The following PHYH variants were observed in gnomAD, a reference collection of about 807,000 sequenced individuals.
PHYH encodes phytanoyl-CoA 2-hydroxylase, also known as phytanoyl-CoA dioxygenase, peroxisomal.
In PHYH, 32 loss-of-function variants were observed where a neutral mutation model predicts 38.5. The observed-to-expected ratio is 0.83, with a 90% CI of 0.63 to 1.12. The LOEUF (loss-of-function observed/expected upper bound fraction) is 1.12. Among genes scored for constraint, PHYH ranks in the 50% most tolerant of loss-of-function variants. The pLI, the probability that PHYH is intolerant of heterozygous loss-of-function variation, is 0.00. For missense variants in PHYH, 426 were observed against 434.8 expected, an observed-to-expected ratio of 0.98 and a Z score of 0.18; for synonymous variants, 166 against 157.9, an observed-to-expected ratio of 1.05 and a Z score of -0.38.
chr10:13,295,860 C>A (rs937427745), intron 2 of PHYH, among the ~76,000 whole-genome samples: 2 of 148,196 alleles, frequency 1.3e-5, no homozygotes, highest in African/African-American at 5.0e-5. Context: ...TAAATTACAT[C>A]CTAAAAATAT....
At chr10:13,299,546 C>T (rs1832689050) in intron 1 of PHYH, 1 of 1,012,566 alleles carries the variant, frequency 9.9e-7, no homozygotes, top group Non-Finnish European at 1.2e-6. Flanking sequence ...CCTCTCCCCT[C>T]CGGAGAGGTC....
chr10:13,280,962 G>T lies in PHYH; in HGVS notation c.963+14C>A. 1.2e-6 allele frequency: 2 copies of T among 1,612,434 alleles called. No individual in the cohort carries two copies. Among genetic ancestry groups the T allele is most frequent in the Non-Finnish European group, 1.7e-6 (2 of 1,178,492 alleles). Reference sequence around the variant, plus strand: ...AACCTGAGATTTTTACCTTGCTATTGTATACAAACATACCTTCAAGTTCAC... The same window carrying T: ...AACCTGAGATTTTTACCTTGCTATTTTATACAAACATACCTTCAAGTTCAC... On this transcript the variant is annotated intron_variant, in intron 8 of 8. Transcript: ENST00000263038.
intron 2 of PHYH, among the ~76,000 whole-genome samples, chr10:13,296,827 C>T (rs946660240): frequency 6.6e-5 from 10 of 151,386 alleles, no homozygotes; most frequent in East Asian, 5.8e-4. Flanking sequence ...TGGTGTCTGG[C>T]GCCTGTAGTC....
At chr10:13,283,950 C>T in intron 6 of PHYH, 111 bp from the exon 7 acceptor site, 1 of 924,452 alleles carries the variant, frequency 1.1e-6, no homozygotes, top group East Asian at 2.4e-5. Flanking sequence ...ATTTCTCTCT[C>T]CCAAGAGAAA....
At chr10:13,290,114 CCAA>C (rs1198226163) in intron 5 of PHYH, among the ~76,000 whole-genome samples, 19 of 15,908 alleles carry the variant, frequency 1.2e-3, no homozygotes, top group Admixed American at 3.3e-3. Flanking sequence ...ACTAAAAATA[CCAA>C]AAAAAAAAAA....
chr10:13,299,367 C>G, intron 1 of PHYH: 1 of 926,060 alleles, frequency 1.1e-6, no homozygotes. Flanking sequence ...GGCCTTGGCC[C>G]CCAGAAGAGC....
At position 13,278,621 on chromosome 10, in the gene PHYH, C is replaced by T. The variant is rs377618340; in HGVS notation, c.964-267G>A. ...GCGGCTCACTGCAACCTCTGCCTCC[C>T]GGGTTCAAGCGACTCTCCTGCCTCA... On this transcript the variant is annotated intron_variant, in intron 8 of 8. Transcript: ENST00000263038. 5.3e-5 allele frequency among the ~76,000 whole-genome samples: 8 copies of T among 152,120 alleles called. No homozygotes were observed. In the East Asian group the frequency reaches 5.8e-4, roughly 11 times the overall value.
intron 7 of PHYH, 30 bp downstream of exon 7, chr10:13,283,660 T>A: frequency 6.2e-7 from 1 of 1,611,712 alleles, no homozygotes; most frequent in Non-Finnish European, 8.5e-7. Context: ...CCCACACTTC[T>A]GCAGCAGGTG....
intron 4 of PHYH, among the ~76,000 whole-genome samples, chr10:13,292,655 G>A (rs1028682995): frequency 3.9e-5 from 6 of 152,072 alleles, no homozygotes; most frequent in South Asian, 4.1e-4. Flanking sequence ...CACTGAGGTC[G>A]GGTGCGTTAG....
At chr10:13,299,375 A>T in intron 1 of PHYH, 1 of 951,320 alleles carries the variant, frequency 1.1e-6, no homozygotes, top group Non-Finnish European at 1.3e-6. Context: ...CCCCCAGAAG[A>T]GCCGAGACAA....
rs375520706 is a variant in PHYH at position 13,283,642 on chromosome 10, G to C, written c.828+48C>G. On this transcript the variant is annotated intron_variant, in intron 7 of 8. Coordinates refer to ENST00000263038, the MANE Select transcript of PHYH (RefSeq NM_006214.4). ...ATTCAATGAATTGAATACAATTTTTGTTTCTAACCCACACTTCTGCAGCAG... is the reference window on the plus strand; with the variant it reads ...ATTCAATGAATTGAATACAATTTTTCTTTCTAACCCACACTTCTGCAGCAG... 13 of 1,580,470 alleles carry C rather than the reference G, an allele frequency of 8.2e-6. No individual in the cohort carries two copies. The South Asian group carries it at 1.3e-4, about 16-fold the overall frequency.
At chr10:13,294,690 G>T in intron 3 of PHYH, 94 bp from the exon 4 acceptor site, 1 of 1,053,328 alleles carries the variant, frequency 9.5e-7, no homozygotes. Flanking sequence ...CTTGAGGGGT[G>T]GTTTCTCTGC....
At chr10:13,291,267 C>A (rs1835704424) in intron 5 of PHYH, among the ~76,000 whole-genome samples, 2 of 152,110 alleles carry the variant, frequency 1.3e-5, no homozygotes, top group South Asian at 4.1e-4. Context: ...ATGGCAGGAA[C>A]CTTTGATATA....
intron 6 of PHYH, among the ~76,000 whole-genome samples, chr10:13,284,627 G>T (rs1835500980): frequency 6.6e-6 from 1 of 152,156 alleles, no homozygotes; most frequent in Non-Finnish European, 1.5e-5. Flanking sequence ...GGGAGAAAAT[G>T]CTCAATTTTT....
intron 5 of PHYH, among the ~76,000 whole-genome samples, chr10:13,289,265 G>A (rs12779860): frequency 0.27 from 40,681 of 151,700 alleles, 5,511 homozygotes; most frequent in South Asian, 0.35. Context: ...ACGCGATCTC[G>A]GCTCACTGCA....
chr10:13,298,097 A>G, intron 2 of PHYH, 90 bp downstream of exon 2: 1 of 787,510 alleles, frequency 1.3e-6, no homozygotes, highest in East Asian at 2.7e-5. Context: ...AATTCTAATC[A>G]GGTAACATAT....
At position 13,299,984 on chromosome 10, in the gene PHYH, G is replaced by A. The variant is rs913080422; in HGVS notation, c.59C>T (p.Pro20Leu). The change falls in exon 1 of 9, where the codon CCC becomes CTC. Residue 20 changes from proline (P) to leucine (L), a missense_variant. Coordinates refer to ENST00000263038, the MANE Select transcript of PHYH (RefSeq NM_006214.4). ...AAAGGATACGACAGCCCCGGCCGAG[G>A]GGCGGCCGAGGTGGCCCAGAACAAT... ...LQIVLGHLGR[P>L]SAGAVVAHPT... The A allele has an allele frequency of 3.3e-6, 5 of 1,531,416 alleles. No homozygotes were observed. Among genetic ancestry groups the A allele is most frequent in the African/African-American group, 1.4e-5 (1 of 71,834 alleles). 94.9% of individuals were successfully genotyped at this position (1,531,416 alleles called of 1,614,324 possible). A position where few individuals can be genotyped will look rare whatever the true frequency, so the allele number is the denominator to read the frequency against.
chr10:13,295,579 G>A lies in PHYH; in HGVS notation c.162C>T (p.Thr54=). 1.4e-6 allele frequency: 2 copies of A among 1,428,938 alleles called. No individual in the cohort carries two copies. The highest frequency in any genetic ancestry group is 2.3e-5 in the East Asian group (1 of 44,086). 88.5% of individuals were successfully genotyped at this position (1,428,938 alleles called of 1,614,324 possible). A position where few individuals can be genotyped will look rare whatever the true frequency, so the allele number is the denominator to read the frequency against. The change falls in exon 3 of 9, where the codon ACC becomes ACT. Residue 54 remains threonine, a synonymous_variant. Transcript: ENST00000263038. ...CTTCATAAAATTTTCTCTGTTCCAG[G>A]GTTAGAACGTTATTATCCAGAGTAT... ...FQYTLDNNVL[T]LEQRKFYEEN... is the part of the protein sequence containing the mutation.
chr10:13,294,189 G>A (rs537122236), intron 4 of PHYH, among the ~76,000 whole-genome samples: 19 of 152,222 alleles, frequency 1.2e-4, no homozygotes, highest in African/African-American at 3.9e-4. Context: ...GCAACAGAGC[G>A]AGACTCTGTC....
Sources: gnomAD v4.1 joint callset for allele counts (sites outside exome capture counted in the v4.1 genomes callset) on GRCh38, gnomAD v4.1.1 for gene constraint, MANE v1.5 for transcripts, NCBI Gene and HGNC (gene_info 2026-07-23, HGNC 2026-07-21) for gene names.